AKAP6: variants seen among roughly 807,000 people sequenced by gnomAD.
AKAP6 encodes A-kinase anchoring protein 6, also known as A-kinase anchor protein 6.
In AKAP6, 58 loss-of-function variants were observed where a neutral mutation model predicts 188.5. The observed-to-expected ratio is 0.31, with a 90% CI of 0.25 to 0.38. AKAP6 has a LOEUF of 0.38. Ranked by LOEUF, AKAP6 falls within the 10% of genes least tolerant of loss-of-function variation. The probability of loss-of-function intolerance (pLI) is 1.00; values close to 1 mark genes in which losing one functional copy is unlikely to be tolerated. For synonymous variants in AKAP6, 989 were observed against 998.6 expected, an observed-to-expected ratio of 0.99 and a Z score of 0.18; for missense variants, 2,710 against 2,740.0, an observed-to-expected ratio of 0.99 and a Z score of 0.24.
At chr14:32,758,440 C>CA (rs544850303) in intron 11 of AKAP6, among the ~76,000 whole-genome samples, 14 of 151,906 alleles carry the variant, frequency 9.2e-5, no homozygotes, top group East Asian at 1.9e-4. Flanking sequence ...TGCATAGAAA[C>CA]AAAAAAAATG....
At chr14:32,786,314 T>TTTTTTTTTTTTTTTTTTTTTTTTTTTC (rs2033414443) in intron 12 of AKAP6, among the ~76,000 whole-genome samples, 1 of 104,830 alleles carries the variant, frequency 9.5e-6, no homozygotes, top group Non-Finnish European at 2.0e-5. Flanking sequence ...TTTTTTTTTT[T>TTTTTTTTTTTTTTTTTTTTTTTTTTTC]TTTTTTTTTT....
chr14:32,607,141 C>T (rs767867580), intron 7 of AKAP6, among the ~76,000 whole-genome samples: 7 of 152,108 alleles, frequency 4.6e-5, no homozygotes, highest in African/African-American at 7.2e-5. Context: ...TGGGTAAGAG[C>T]GCAACTGGCT....
chr14:32,400,562 G>GAAAAAAAAAAAAAAA (rs1566483544), intron 1 of AKAP6, among the ~76,000 whole-genome samples: 1 of 1,828 alleles, frequency 5.5e-4, no homozygotes, highest in Non-Finnish European at 4.4e-3. Context: ...TCCACTTTTA[G>GAAAAAAAAAAAAAAA]CAAAAAAAAA....
rs181718673 is a variant in AKAP6, at chr14:32,427,344, T to G, written c.-34-6116T>G. 5.3e-5 allele frequency among the ~76,000 whole-genome samples: 8 copies of G among 152,330 alleles called. No homozygotes were observed. In the East Asian group the frequency reaches 1.5e-3, roughly 29 times the overall value. On this transcript the variant is annotated intron_variant, in intron 1 of 13. Transcript: ENST00000280979. Reference sequence around the variant, plus strand: ...AGGAGAAGGCATCAGGCAGCAATTATGGACATTTCCTTAGGAGCATCTTAC... The same window carrying G: ...AGGAGAAGGCATCAGGCAGCAATTAGGGACATTTCCTTAGGAGCATCTTAC...
intron 11 of AKAP6, among the ~76,000 whole-genome samples, chr14:32,747,294 G>C (rs1275738468): frequency 6.6e-6 from 1 of 152,156 alleles, no homozygotes; most frequent in Non-Finnish European, 1.5e-5. Flanking sequence ...GATTCCTACA[G>C]GTGCCTGGAT....
rs191438173 is a variant in AKAP6, at chr14:32,585,254, A to G, written c.2469+8012A>G. Among the ~76,000 whole-genome samples the G allele has an allele frequency of 9.3e-4, 142 of 152,324 alleles. 1 individual carries two copies. The highest frequency in any genetic ancestry group is 5.4e-4 in the Non-Finnish European group (37 of 68,024). ...CTTCTTTTATCTGCAGCCAATCAGT[A>G]TATTCAGTAAGAATAAGTGAAGTCA... is the stretch of plus-strand genomic sequence containing the variant. On this transcript the variant is annotated intron_variant, in intron 5 of 13. Transcript: ENST00000280979.
chr14:32,654,434 C>G (rs916135287), intron 7 of AKAP6, among the ~76,000 whole-genome samples: 2 of 152,014 alleles, frequency 1.3e-5, no homozygotes, highest in African/African-American at 4.8e-5. Flanking sequence ...GAAAAGAAAC[C>G]AATCACAAAT....
At chr14:32,682,712 A>G (rs1030854610) in intron 8 of AKAP6, among the ~76,000 whole-genome samples, 2 of 152,150 alleles carry the variant, frequency 1.3e-5, no homozygotes, top group African/African-American at 4.8e-5. Context: ...TTTAAGTAGA[A>G]AAAAGCCAGC....
Position 32,823,440 on chromosome 14 carries a change from G to T in AKAP6, c.5627G>T (p.Arg1876Leu), listed in dbSNP as rs201188217. The T allele has an allele frequency of 6.2e-7, 1 of 1,613,218 alleles. No individual in the cohort carries two copies. Among genetic ancestry groups the T allele is most frequent in the African/African-American group, 1.3e-5 (1 of 74,782 alleles). The change falls in exon 13 of 14, where the codon CGT (arginine) becomes CTT (leucine). Residue 1876 changes from arginine (R) to leucine (L), a missense_variant. Around this residue, in one of 2 missense-constraint regions of AKAP6, gnomAD observed 2,473 missense variants for 2,426.1 expected, o/e 1.02. Coordinates refer to ENST00000280979, the MANE Select transcript of AKAP6 (RefSeq NM_004274.5). The part of the protein sequence containing the change: ...SSHTHELGTK[R>L]ENKKTIFKVN... ...CATACCCATGAGTTAGGGACAAAGC[G>T]TGAAAATAAGAAAACTATTTTCAAA... is the stretch of plus-strand genomic sequence containing the variant.
At position 32,735,712 on chromosome 14, in the gene AKAP6, C is replaced by G; in HGVS notation, c.3202C>G (p.Pro1068Ala). 1 of 1,613,308 alleles carries G rather than the reference C, an allele frequency of 6.2e-7. No individual in the cohort carries two copies. The highest frequency in any genetic ancestry group is 1.1e-5 in the South Asian group (1 of 91,058). Residue 1068 changes from proline (P) to alanine (A), a missense_variant, in exon 11 of 14, where the codon CCA (proline) becomes GCA (alanine). Physicochemically the swap from Pro to Ala is conservative, Grantham distance 27. Around this residue, in one of 2 missense-constraint regions of AKAP6, gnomAD observed 2,473 missense variants for 2,426.1 expected, o/e 1.02. Coordinates refer to ENST00000280979, the MANE Select transcript of AKAP6 (RefSeq NM_004274.5). ...DTMAGHSGSS[P>A]RDLLSPESGS... is the part of the protein sequence containing the mutation. ...AATGGCAGGGCACAGTGGGTCGAGT[C>G]CACGTGACCTGCTCTCTCCTGAAAG...
rs565793010 is a variant in AKAP6, at chr14:32,828,997, T to A, written c.*43-851T>A. Among the ~76,000 whole-genome samples the A allele has an allele frequency of 7.9e-5, 12 of 152,312 alleles. No individual in the cohort carries two copies. The South Asian group carries it at 2.5e-3, about 32-fold the overall frequency. ...TGAAGGACAGTAAAACAACCTGATA[T>A]GAGAAATCAGAACTCAGTTTAAGCC... On this transcript the variant is annotated intron_variant, in intron 13 of 13. Coordinates refer to ENST00000280979, the MANE Select transcript of AKAP6 (RefSeq NM_004274.5).
chr14:32,738,465 GATGATTA>G (rs1448729150), intron 11 of AKAP6, among the ~76,000 whole-genome samples: 1 of 152,140 alleles, frequency 6.6e-6, no homozygotes, highest in African/African-American at 2.4e-5. Flanking sequence ...TAACCTTGTT[GATGATTA>G]ATAACCGAAA....
chr14:32,605,913 G>A (rs182632288), intron 7 of AKAP6, among the ~76,000 whole-genome samples: 20 of 152,260 alleles, frequency 1.3e-4, no homozygotes, highest in Non-Finnish European at 2.2e-4. Flanking sequence ...AATATATCTA[G>A]GGGGTATTTT....
intron 2 of AKAP6, among the ~76,000 whole-genome samples, chr14:32,526,340 C>G (rs544047830): frequency 3.2e-4 from 48 of 152,286 alleles, no homozygotes; most frequent in Admixed American, 9.8e-4. Flanking sequence ...TCAAGTGATC[C>G]TCCTGCTTCA....
At chr14:32,584,738 A>G (rs1216806435) in intron 5 of AKAP6, among the ~76,000 whole-genome samples, 1 of 152,166 alleles carries the variant, frequency 6.6e-6, no homozygotes, top group Non-Finnish European at 1.5e-5. Context: ...ATTTAATAAA[A>G]CAATATGTAT....
chr14:32,654,975 T>C (rs1888396297), intron 7 of AKAP6, among the ~76,000 whole-genome samples: 2 of 152,192 alleles, frequency 1.3e-5, no homozygotes, highest in Admixed American at 6.5e-5. Context: ...GCAACCACAA[T>C]CTTGTTTATT....
At chr14:32,619,172 C>G (rs1343662424) in intron 7 of AKAP6, among the ~76,000 whole-genome samples, 1 of 151,186 alleles carries the variant, frequency 6.6e-6, no homozygotes, top group Non-Finnish European at 1.5e-5. Context: ...TCTACAGGAG[C>G]TCTTTAGTTT....
intron 7 of AKAP6, among the ~76,000 whole-genome samples, chr14:32,659,376 A>T (rs1888591079): frequency 6.6e-6 from 1 of 152,084 alleles, no homozygotes; most frequent in South Asian, 2.1e-4. Context: ...CTAGATTTGT[A>T]TTCTGACTGT....
At chr14:32,756,270 G>A (rs2032329716) in intron 11 of AKAP6, among the ~76,000 whole-genome samples, 2 of 152,204 alleles carry the variant, frequency 1.3e-5, no homozygotes, top group South Asian at 4.1e-4. Context: ...TGTGGGCCTT[G>A]AGCCTGAGTC....
Sources: gnomAD v4.1 joint callset for allele counts (sites outside exome capture counted in the v4.1 genomes callset) on GRCh38, gnomAD v4.1.1 for gene constraint, gnomAD v4.1.1 regional missense constraint, MANE v1.5 for transcripts, NCBI Gene and HGNC (gene_info 2026-07-23, HGNC 2026-07-21) for gene names.